Variants in DHRS9 observed in about 807,000 individuals in gnomAD.
DHRS9 encodes dehydrogenase/reductase SDR family member 9.
In DHRS9, 18 loss-of-function variants were observed where a neutral mutation model predicts 26.6. The observed-to-expected ratio is 0.68, with a 90% CI of 0.47 to 1.00. The LOEUF (loss-of-function observed/expected upper bound fraction) is 1.00. Ranked by LOEUF, DHRS9 falls within the 50% of genes least tolerant of loss-of-function variation. DHRS9 has a pLI of 0.00. For missense variants in DHRS9, 425 were observed against 378.7 expected (o/e 1.12, Z -1.01); for synonymous variants, 134 against 141.1 (o/e 0.95, Z 0.36).
At chr2:169,082,718 G>A (rs1684227912) in intron 2 of DHRS9, among the ~76,000 whole-genome samples, 1 of 152,078 alleles carries the variant, frequency 6.6e-6, no homozygotes, top group African/African-American at 2.4e-5. Flanking sequence ...GAAGTAGATT[G>A]ATATCACTCT....
chr2:169,084,851 C>T (rs1460139221), intron 3 of DHRS9, among the ~76,000 whole-genome samples: 2 of 152,038 alleles, frequency 1.3e-5, no homozygotes, highest in Non-Finnish European at 2.9e-5. Context: ...TCCCATTTGT[C>T]CATTTTTGCT....
At chr2:169,088,385 T>G (rs561497058) in intron 3 of DHRS9, among the ~76,000 whole-genome samples, 1 of 152,320 alleles carries the variant, frequency 6.6e-6, no homozygotes, top group East Asian at 1.9e-4. Context: ...AGGAGTAGCA[T>G]CAACAATTCA....
intron 3 of DHRS9, 37 bp downstream of exon 3, chr2:169,083,624 C>A (rs776287981): frequency 6.2e-7 from 1 of 1,603,428 alleles, no homozygotes; most frequent in South Asian, 1.1e-5. Context: ...GAAACAATAG[C>A]TGCAAACGTT....
chr2:169,091,322 C>G (rs1684518738), intron 3 of DHRS9, among the ~76,000 whole-genome samples: 1 of 151,954 alleles, frequency 6.6e-6, no homozygotes, highest in African/African-American at 2.4e-5. Context: ...GCATAGGGAG[C>G]AGGTTAGTCA....
chr2:169,070,503 C>T (rs1205041229), intron 1 of DHRS9: 3 of 985,344 alleles, frequency 3.0e-6, no homozygotes, highest in Non-Finnish European at 3.6e-6. Flanking sequence ...GATTGTGCTT[C>T]TGTACTATTT....
chr2:169,095,928 A>T lies in DHRS9; in HGVS notation c.*161A>T. On this transcript the variant is annotated 3_prime_UTR_variant, in exon 5 of 5. Transcript: ENST00000674881. ...GTCCCACCATCGCTGGTGGTATCCC[A>T]GGGTCCCTGCTCAAGTTTTCTTTGA... 1 of 674,266 alleles carries T rather than the reference A, an allele frequency of 1.5e-6. No homozygotes were observed. Among genetic ancestry groups the T allele is most frequent in the Non-Finnish European group, 2.5e-6 (1 of 393,292 alleles). 41.8% of individuals were successfully genotyped at this position (674,266 alleles called of 1,614,324 possible).
intron 1 of DHRS9, among the ~76,000 whole-genome samples, chr2:169,075,485 A>T (rs1272531778): frequency 6.6e-6 from 1 of 152,218 alleles, no homozygotes; most frequent in African/African-American, 2.4e-5. Flanking sequence ...CATGTTCTAC[A>T]TCATCACAGT....
At chr2:169,086,425 G>A (rs1292112383) in intron 3 of DHRS9, among the ~76,000 whole-genome samples, 3 of 151,878 alleles carry the variant, frequency 2.0e-5, no homozygotes, top group African/African-American at 7.3e-5. Flanking sequence ...CCTCAAAACA[G>A]CTATTTTGAA....
chr2:169,090,801 A>G (rs1313108500), intron 3 of DHRS9, among the ~76,000 whole-genome samples: 1 of 152,224 alleles, frequency 6.6e-6, no homozygotes, highest in African/African-American at 2.4e-5. Context: ...TGCATGCATT[A>G]CAAACTTTTC....
chr2:169,068,970 T>G (rs1683723915), upstream of DHRS9, among the ~76,000 whole-genome samples: 6 of 152,162 alleles, frequency 3.9e-5, no homozygotes, highest in Admixed American at 3.9e-4. Flanking sequence ...AGACAAACTC[T>G]GGGAGGGGAG....
chr2:169,092,002 C>T, intron 4 of DHRS9, 49 bp downstream of exon 4: 1 of 1,586,620 alleles, frequency 6.3e-7, no homozygotes, highest in Non-Finnish European at 8.6e-7. Flanking sequence ...TTGTCCTGAA[C>T]AGCATGAAGG....
intron 1 of DHRS9, chr2:169,081,251 A>G: frequency 1.1e-6 from 1 of 870,050 alleles, no homozygotes; most frequent in Non-Finnish European, 1.5e-6. Context: ...GTGGCAACTC[A>G]ATGGCTTGTG....
In DHRS9 at chr2:169,095,778, C is replaced by A. The variant is rs1178754312; in HGVS notation, c.*11C>A. The A allele has an allele frequency of 1.9e-6, 3 of 1,610,566 alleles. No individual in the cohort carries two copies. In the Admixed American group the frequency reaches 5.0e-5, roughly 27 times the overall value. On this transcript the variant is annotated 3_prime_UTR_variant, in exon 5 of 5. Transcript: ENST00000674881. Reference sequence around the variant, plus strand: ...CCCAAGGCAGTGTGACTCAGCTAACCACAAATGTCTCCTCCAGGCTATGAA... The same window carrying A: ...CCCAAGGCAGTGTGACTCAGCTAACAACAAATGTCTCCTCCAGGCTATGAA...
intron 1 of DHRS9, among the ~76,000 whole-genome samples, chr2:169,073,483 G>T (rs1264820324): frequency 6.6e-6 from 1 of 152,190 alleles, no homozygotes; most frequent in Non-Finnish European, 1.5e-5. Flanking sequence ...GAGAATCATA[G>T]ATTTGCTAGG....
intron 4 of DHRS9, among the ~76,000 whole-genome samples, chr2:169,093,344 G>GCACACACA (rs1283094398): frequency 2.8e-5 from 3 of 109,032 alleles, no homozygotes; most frequent in African/African-American, 1.4e-4. Flanking sequence ...ACACACACAC[G>GCACACACA]CACACACACA....
At chr2:169,089,905 T>TA (rs926967949) in intron 3 of DHRS9, among the ~76,000 whole-genome samples, 2 of 152,138 alleles carry the variant, frequency 1.3e-5, no homozygotes, top group African/African-American at 4.8e-5. Context: ...AGCAAGGTCA[T>TA]AAAAAAACCT....
In DHRS9 at chr2:169,090,094, T is replaced by C. The variant is rs546499283; in HGVS notation, c.573-1696T>C. On this transcript the variant is annotated intron_variant, in intron 3 of 4. Transcript: ENST00000674881. ...TAGTAATCAATAAAGAGTATTTTTC[T>C]TAAATGAATCATGGAACTAGTATTT... Among the ~76,000 whole-genome samples the C allele has an allele frequency of 3.5e-4, 54 of 152,354 alleles. No homozygotes were observed. The South Asian group carries it at 0.011, about 30-fold the overall frequency.
intron 1 of DHRS9, among the ~76,000 whole-genome samples, chr2:169,076,049 A>G (rs1345230088): frequency 6.6e-6 from 1 of 152,176 alleles, no homozygotes; most frequent in African/African-American, 2.4e-5. Flanking sequence ...GCCTGAAACC[A>G]TTGTTGCTAT....
chr2:169,079,457 T>C (rs1231711972), intron 1 of DHRS9, among the ~76,000 whole-genome samples: 1 of 152,106 alleles, frequency 6.6e-6, no homozygotes, highest in Non-Finnish European at 1.5e-5. Flanking sequence ...CTATCTTCTT[T>C]TTTTCTATGT....
Sources: allele counts gnomAD v4.1 joint callset (sites outside exome capture counted in the v4.1 genomes callset), GRCh38; gene constraint gnomAD v4.1.1; transcripts MANE v1.5; gene names NCBI Gene and HGNC (gene_info 2026-07-23, HGNC 2026-07-21).